PAX5: variants seen among roughly 807,000 people sequenced by gnomAD.
PAX5 encodes the protein paired box 5.
Under a neutral mutation model 43.7 loss-of-function variants are expected in PAX5, and 9 were observed. That is an observed-to-expected ratio of 0.21 (90% CI 0.12 to 0.36). The LOEUF is 0.36. Ranked by LOEUF, PAX5 falls within the 10% of genes least tolerant of loss-of-function variation. PAX5 has a pLI of 1.00. For missense variants in PAX5, 383 were observed against 532.7 expected (o/e 0.72, Z 2.77); for synonymous variants, 228 against 214.3 (o/e 1.06, Z -0.56).
intron 7 of PAX5, among the ~76,000 whole-genome samples, chr9:36,887,326 A>G (rs771675934): frequency 6.6e-6 from 1 of 152,224 alleles, no homozygotes; most frequent in African/African-American, 2.4e-5. Context: ...TATGGACCCA[A>G]TAATCCAATG....
intron 7 of PAX5, among the ~76,000 whole-genome samples, chr9:36,915,865 A>T (rs938832945): frequency 6.6e-6 from 1 of 152,134 alleles, no homozygotes; most frequent in African/African-American, 2.4e-5. Context: ...TGAGCCCAAG[A>T]GTTCAAAACC....
At chr9:36,876,750 C>T (rs1318477813) in intron 8 of PAX5, among the ~76,000 whole-genome samples, 1 of 152,188 alleles carries the variant, frequency 6.6e-6, no homozygotes, top group Non-Finnish European at 1.5e-5. Flanking sequence ...AACATAACTG[C>T]TCTGCAAATG....
intron 7 of PAX5, among the ~76,000 whole-genome samples, chr9:36,890,429 T>G (rs1827280590): frequency 1.3e-5 from 2 of 152,136 alleles, no homozygotes; most frequent in South Asian, 4.1e-4. Context: ...CAGAGCTCTT[T>G]GCGAACTGGC....
intron 7 of PAX5, among the ~76,000 whole-genome samples, chr9:36,906,632 G>T (rs1214677983): frequency 6.6e-6 from 1 of 152,198 alleles, no homozygotes; most frequent in Non-Finnish European, 1.5e-5. Flanking sequence ...ACTGCAGGAG[G>T]TCAATGGAAC....
At chr9:37,010,608 T>G (rs552686556) in intron 3 of PAX5, among the ~76,000 whole-genome samples, 1 of 152,220 alleles carries the variant, frequency 6.6e-6, no homozygotes, top group African/African-American at 2.4e-5. Context: ...CTTCTCACCA[T>G]CATCCCACGC....
intron 6 of PAX5, among the ~76,000 whole-genome samples, chr9:36,957,841 A>G (rs1365205384): frequency 2.6e-5 from 4 of 152,170 alleles, no homozygotes; most frequent in African/African-American, 9.7e-5. Flanking sequence ...AGAGAAGTCA[A>G]CGCAAACTAC....
chr9:36,906,349 G>C (rs1335137465), intron 7 of PAX5, among the ~76,000 whole-genome samples: 1 of 152,206 alleles, frequency 6.6e-6, no homozygotes, highest in East Asian at 1.9e-4. Context: ...GTCACAGACA[G>C]AAGATGTGGC....
At chr9:36,984,181 T>C (rs1836178513) in intron 5 of PAX5, among the ~76,000 whole-genome samples, 1 of 152,002 alleles carries the variant, frequency 6.6e-6, no homozygotes, top group African/African-American at 2.4e-5. Context: ...GAGAGAAAAA[T>C]CACCTTGAAA....
intron 1 of PAX5, among the ~76,000 whole-genome samples, chr9:37,027,885 G>C (rs1840584017): frequency 6.6e-6 from 1 of 152,250 alleles, no homozygotes; most frequent in Non-Finnish European, 1.5e-5. Flanking sequence ...GGGAGAGAAT[G>C]GGGGGCGGGG....
intron 7 of PAX5, among the ~76,000 whole-genome samples, chr9:36,914,610 G>C (rs1829581179): frequency 6.6e-6 from 1 of 152,134 alleles, no homozygotes; most frequent in South Asian, 2.1e-4. Flanking sequence ...GATTTTATTT[G>C]AAATTAGTTG....
intron 1 of PAX5, among the ~76,000 whole-genome samples, chr9:37,028,375 C>T (rs927996367): frequency 1.3e-5 from 2 of 152,352 alleles, no homozygotes; most frequent in Non-Finnish European, 2.9e-5. Flanking sequence ...TCCTCGTCGT[C>T]CACCCTCCTC....
At chr9:36,901,408 G>A (rs891736655) in intron 7 of PAX5, among the ~76,000 whole-genome samples, 23 of 152,032 alleles carry the variant, frequency 1.5e-4, no homozygotes, top group African/African-American at 5.6e-4. Flanking sequence ...CCCCCGTTGT[G>A]CACCTGTGAC....
intron 6 of PAX5, among the ~76,000 whole-genome samples, chr9:36,937,160 C>T (rs1831627157): frequency 6.6e-6 from 1 of 152,202 alleles, no homozygotes; most frequent in Non-Finnish European, 1.5e-5. Flanking sequence ...GGCGGAATAA[C>T]TTGCATTGAC....
At chr9:36,907,232 C>T (rs1281634753) in intron 7 of PAX5, among the ~76,000 whole-genome samples, 1 of 152,192 alleles carries the variant, frequency 6.6e-6, no homozygotes, top group East Asian at 1.9e-4. Flanking sequence ...AACCAAAGTA[C>T]ATAACAAATG....
intron 7 of PAX5, among the ~76,000 whole-genome samples, chr9:36,907,954 C>T (rs551275409): frequency 1.5e-4 from 23 of 152,276 alleles, no homozygotes; most frequent in Non-Finnish European, 2.9e-4. Flanking sequence ...GAATTATTCA[C>T]TTTGGGAGGT....
chr9:36,971,398 C>T (rs1834916315), intron 5 of PAX5, among the ~76,000 whole-genome samples: 1 of 152,186 alleles, frequency 6.6e-6, no homozygotes, highest in Non-Finnish European at 1.5e-5. Context: ...CAGGTCTGAA[C>T]CTCCAGGCCT....
chr9:36,961,702 C>G (rs1482187430), intron 6 of PAX5, among the ~76,000 whole-genome samples: 1 of 152,246 alleles, frequency 6.6e-6, no homozygotes, highest in Non-Finnish European at 1.5e-5. Flanking sequence ...CGTAGCCTTC[C>G]TGTGGCCGCC....
In PAX5 at chr9:36,836,708, G is replaced by A; in HGVS notation, c.*3852C>T. On this transcript the variant is annotated 3_prime_UTR_variant, in exon 10 of 10. Coordinates refer to ENST00000358127, the MANE Select transcript of PAX5 (RefSeq NM_016734.3). ...TGTTTCCAGGGGCTGTGGACACCCTGGTGGCCCTGGCTTGGGCACTCCTGC... is the reference window on the plus strand; with the variant it reads ...TGTTTCCAGGGGCTGTGGACACCCTAGTGGCCCTGGCTTGGGCACTCCTGC... 1 of 231,878 alleles carries A rather than the reference G, an allele frequency of 4.3e-6. No individual in the cohort carries two copies. The highest frequency in any genetic ancestry group is 8.5e-6 in the Non-Finnish European group (1 of 117,204). 14.4% of individuals were successfully genotyped at this position (231,878 alleles called of 1,614,324 possible).
At chr9:36,991,337 C>T (rs1239026319) in intron 5 of PAX5, among the ~76,000 whole-genome samples, 1 of 152,094 alleles carries the variant, frequency 6.6e-6, no homozygotes, top group African/African-American at 2.4e-5. Context: ...CTCTGGTACA[C>T]CACAGAGTGT....
Sources: allele counts gnomAD v4.1 joint callset (sites outside exome capture counted in the v4.1 genomes callset), GRCh38; gene constraint gnomAD v4.1.1; transcripts MANE v1.5; gene names NCBI Gene and HGNC (gene_info 2026-07-23, HGNC 2026-07-21).